The following KANSL1L variants were observed in gnomAD, a reference collection of about 807,000 sequenced individuals.
The protein encoded by KANSL1L is KAT8 regulatory NSL complex subunit 1-like protein.
KANSL1L carries 25 observed loss-of-function variants against 108.6 expected under a neutral mutation model. The observed-to-expected ratio is 0.23, with a 90% confidence interval of 0.17 to 0.32. The LOEUF (loss-of-function observed/expected upper bound fraction) is 0.32. KANSL1L is among the 10% of genes least tolerant of loss of function. The probability of loss-of-function intolerance (pLI) is 1.00; values close to 1 mark genes in which losing one functional copy is unlikely to be tolerated. For synonymous variants in KANSL1L, 405 were observed against 395.1 expected (o/e 1.03, Z -0.30); for missense variants, 1,137 against 1,125.7 (o/e 1.01, Z -0.14).
intron 8 of KANSL1L, among the ~76,000 whole-genome samples, chr2:210,034,389 T>C (rs2094070393): frequency 6.6e-6 from 1 of 152,154 alleles, no homozygotes; most frequent in African/African-American, 2.4e-5. Context: ...GAGAATAGCA[T>C]GTACAATGGC....
intron 6 of KANSL1L, among the ~76,000 whole-genome samples, chr2:210,070,481 C>T (rs1038979817): frequency 1.5e-4 from 23 of 151,898 alleles, no homozygotes; most frequent in Non-Finnish European, 2.4e-4. Context: ...CCGCCCGCCT[C>T]GGCCTCCCAA....
At chr2:210,170,817 A>C (rs533847810) in intron 1 of KANSL1L, among the ~76,000 whole-genome samples, 355 of 152,262 alleles carry the variant, frequency 2.3e-3, no homozygotes, top group African/African-American at 8.0e-3. Context: ...GCGCCAGCCA[A>C]AACAAAAGGG....
chr2:210,069,410 T>A (rs1282836012), intron 6 of KANSL1L, among the ~76,000 whole-genome samples: 1 of 152,224 alleles, frequency 6.6e-6, no homozygotes, highest in African/African-American at 2.4e-5. Context: ...TTCCCTATCA[T>A]GGACCTTAAA....
chr2:210,022,868 G>T lies in KANSL1L; in HGVS notation c.*81C>A. 1.1e-6 allele frequency: 1 copy of T among 900,838 alleles called. No homozygotes were observed. Among genetic ancestry groups the T allele is most frequent in the South Asian group, 1.5e-5 (1 of 66,910 alleles). The allele number at this position is 900,838 out of a possible 1,614,324, so 55.8% of individuals were successfully genotyped here. On this transcript the variant is annotated 3_prime_UTR_variant, in exon 15 of 15. Coordinates refer to ENST00000281772, the MANE Select transcript of KANSL1L (RefSeq NM_152519.4). The stretch of plus-strand genomic sequence containing the variant: ...ACATGCAGAACATGCTCTTATTCTG[G>T]AGGGGATGGGGGATCCAGAACAGGG...
At chr2:210,123,799 C>A (rs1338568610) in intron 3 of KANSL1L, among the ~76,000 whole-genome samples, 1 of 151,422 alleles carries the variant, frequency 6.6e-6, no homozygotes, top group African/African-American at 2.4e-5. Context: ...TAAATATATA[C>A]ATCCACTATG....
At chr2:210,165,580 A>G (rs2125686006) in intron 1 of KANSL1L, among the ~76,000 whole-genome samples, 1 of 152,300 alleles carries the variant, frequency 6.6e-6, no homozygotes, top group Non-Finnish European at 1.5e-5. Flanking sequence ...AATCCAAAGA[A>G]CAATCACTGT....
chr2:210,114,574 T>C (rs933264519), intron 3 of KANSL1L, among the ~76,000 whole-genome samples: 1 of 152,164 alleles, frequency 6.6e-6, no homozygotes, highest in Non-Finnish European at 1.5e-5. Flanking sequence ...GCTAGTATTA[T>C]TGTAACACTA....
At chr2:210,084,465 G>A (rs932346215) in intron 5 of KANSL1L, among the ~76,000 whole-genome samples, 2 of 151,888 alleles carry the variant, frequency 1.3e-5, no homozygotes, top group African/African-American at 4.8e-5. Context: ...GTACTGAAGT[G>A]GGAAATAACT....
intron 2 of KANSL1L, among the ~76,000 whole-genome samples, chr2:210,150,343 T>A: frequency 6.6e-6 from 1 of 152,132 alleles, no homozygotes; most frequent in East Asian, 1.9e-4. Flanking sequence ...AAAAAAAAAT[T>A]TTTTTTCTAT....
At chr2:210,130,862 AG>A (rs2095113717) in intron 2 of KANSL1L, among the ~76,000 whole-genome samples, 1 of 150,360 alleles carries the variant, frequency 6.7e-6, no homozygotes, top group African/African-American at 2.5e-5. Flanking sequence ...TTTTTTTTCA[AG>A]AACTTTGGCT....
intron 3 of KANSL1L, among the ~76,000 whole-genome samples, chr2:210,107,948 A>C (rs912472391): frequency 2.0e-5 from 3 of 152,198 alleles, no homozygotes; most frequent in African/African-American, 7.2e-5. Flanking sequence ...GATATTTACA[A>C]AACAGCATCT....
chr2:210,133,436 C>T (rs964506536), intron 2 of KANSL1L, among the ~76,000 whole-genome samples: 6 of 152,092 alleles, frequency 3.9e-5, no homozygotes, highest in Non-Finnish European at 8.8e-5. Flanking sequence ...AATTATTCCA[C>T]AATGCCAGAA....
chr2:210,107,510 C>CAAA (rs142353453), intron 3 of KANSL1L, among the ~76,000 whole-genome samples: 2,791 of 122,888 alleles, frequency 0.023, 84 homozygotes, highest in African/African-American at 0.06. Flanking sequence ...TTCTTCTCCT[C>CAAA]AAAAAAAAAA....
At position 210,044,916 on chromosome 2, in the gene KANSL1L, C is replaced by T. The variant is rs1022229355; in HGVS notation, c.1756-812G>A. Among the ~76,000 whole-genome samples, 7 of 152,064 alleles carry T rather than the reference C, an allele frequency of 4.6e-5. No individual in the cohort carries two copies. The highest frequency in any genetic ancestry group is 1.9e-4 in the East Asian group (1 of 5,194). On this transcript the variant is annotated intron_variant, in intron 6 of 14. Coordinates refer to ENST00000281772, the MANE Select transcript of KANSL1L (RefSeq NM_152519.4). This position sits in a 1 kb window ranked among gnomAD's most constrained non-coding sequence, Gnocchi z 4.2. ...TCCTGAGTAACTGGGATTACAGGCA[C>T]GTGCCACTGCGCCCAGCTACTTTTT...
At chr2:210,101,399 A>C (rs2094792670) in intron 4 of KANSL1L, among the ~76,000 whole-genome samples, 1 of 152,264 alleles carries the variant, frequency 6.6e-6, no homozygotes, top group African/African-American at 2.4e-5. Flanking sequence ...ATCAAGGAGA[A>C]AGGAAAAAGT....
At chr2:210,030,457 G>A (rs2094000240) in intron 9 of KANSL1L, among the ~76,000 whole-genome samples, 1 of 147,350 alleles carries the variant, frequency 6.8e-6, no homozygotes, top group Non-Finnish European at 1.5e-5. Context: ...ATATTGATTA[G>A]AAGTTTACTT....
intron 3 of KANSL1L, among the ~76,000 whole-genome samples, chr2:210,106,801 C>T (rs539998328): frequency 2.7e-4 from 41 of 151,658 alleles, no homozygotes; most frequent in South Asian, 8.4e-4. Flanking sequence ...CCAGGGAGAC[C>T]GTCATAGTCA....
At chr2:210,078,620 G>A (rs2094558545) in intron 5 of KANSL1L, among the ~76,000 whole-genome samples, 1 of 152,178 alleles carries the variant, frequency 6.6e-6, no homozygotes, top group Non-Finnish European at 1.5e-5. Context: ...AATGGATGAA[G>A]GTTATTGTAA....
intron 1 of KANSL1L, among the ~76,000 whole-genome samples, chr2:210,157,820 G>A (rs1304998357): frequency 6.6e-6 from 1 of 151,654 alleles, no homozygotes; most frequent in Non-Finnish European, 1.5e-5. Context: ...AGACCAGCCT[G>A]GGCAACATGA....
Sources: gnomAD v4.1 joint callset for allele counts (sites outside exome capture counted in the v4.1 genomes callset) on GRCh38, gnomAD v4.1.1 for gene constraint, Gnocchi (gnomAD v3.1) non-coding constraint, MANE v1.5 for transcripts, NCBI Gene and HGNC (gene_info 2026-07-23, HGNC 2026-07-21) for gene names.